The following PTPRT variants were observed in gnomAD, a reference collection of about 807,000 sequenced individuals.
PTPRT encodes the protein receptor-type tyrosine-protein phosphatase T.
In PTPRT, 56 loss-of-function variants were observed where a neutral mutation model predicts 176.8. The ratio of observed to expected loss-of-function variants is 0.32; its 90% CI spans 0.26 to 0.40. The LOEUF (loss-of-function observed/expected upper bound fraction) is 0.40. PTPRT is among the 10% of genes least tolerant of loss of function. The probability of loss-of-function intolerance (pLI) is 1.00; values close to 1 mark genes in which losing one functional copy is unlikely to be tolerated. For missense variants in PTPRT, 1,540 were observed against 1,908.2 expected (o/e 0.81, Z 3.60); for synonymous variants, 783 against 739.0 (o/e 1.06, Z -0.96).
intron 8 of PTPRT, among the ~76,000 whole-genome samples, chr20:42,462,724 T>G (rs1601071028): frequency 6.6e-6 from 1 of 152,206 alleles, no homozygotes; most frequent in Non-Finnish European, 1.5e-5. Flanking sequence ...AGCTCTTGTT[T>G]TGTTTTTTCC....
chr20:42,776,547 G>A (rs753199037), intron 4 of PTPRT, among the ~76,000 whole-genome samples: 1 of 152,078 alleles, frequency 6.6e-6, no homozygotes, highest in African/African-American at 2.4e-5. Context: ...GAGAAACTAC[G>A]GTGGCCAACA....
At chr20:43,137,611 C>A (rs1291328763) in intron 1 of PTPRT, among the ~76,000 whole-genome samples, 2 of 152,194 alleles carry the variant, frequency 1.3e-5, no homozygotes, top group Admixed American at 6.5e-5. Flanking sequence ...GAGGCCGGCT[C>A]CACAGGGGAA....
chr20:42,235,486 C>G (rs1284245782), intron 15 of PTPRT, among the ~76,000 whole-genome samples: 1 of 152,084 alleles, frequency 6.6e-6, no homozygotes, highest in Non-Finnish European at 1.5e-5. Flanking sequence ...GTCTTGAACT[C>G]CTGACCTCAG....
intron 13 of PTPRT, among the ~76,000 whole-genome samples, chr20:42,259,974 G>A (rs2056718998): frequency 6.6e-6 from 1 of 152,222 alleles, no homozygotes; most frequent in East Asian, 1.9e-4. Context: ...TAACCTGAGT[G>A]GTGCTAGGAT....
chr20:42,146,057 C>A (rs2146435933), intron 17 of PTPRT, among the ~76,000 whole-genome samples: 1 of 152,268 alleles, frequency 6.6e-6, no homozygotes, highest in East Asian at 1.9e-4. Flanking sequence ...ATCCATATTG[C>A]CACCAGTTTA....
intron 2 of PTPRT, among the ~76,000 whole-genome samples, chr20:42,805,355 T>A (rs539387281): frequency 6.6e-6 from 1 of 152,234 alleles, no homozygotes; most frequent in East Asian, 1.9e-4. Context: ...GGATAACAGT[T>A]TATAGTGGCC....
At chr20:42,615,118 G>A (rs2074049027) in intron 7 of PTPRT, among the ~76,000 whole-genome samples, 1 of 104,922 alleles carries the variant, frequency 9.5e-6, no homozygotes, top group Non-Finnish European at 1.8e-5. Context: ...CCCAGAGTGT[G>A]ATATTCCCCT....
chr20:42,336,227 T>C lies in PTPRT; in HGVS notation c.1865+14401A>G, dbSNP rs2058037659. ...ATTGTGTAGTTATTTAACAAAAAAC[T>C]GTGGCTTAACTACATTGGAAAGAAG... On this transcript the variant is annotated intron_variant, in intron 11 of 30. Transcript: ENST00000373187. Among the ~76,000 whole-genome samples, 3 of 152,186 alleles carry C rather than the reference T, an allele frequency of 2.0e-5. No individual in the cohort carries two copies. In the South Asian group the frequency reaches 6.2e-4, roughly 31 times the overall value.
chr20:43,099,639 C>T (rs1051930126), intron 1 of PTPRT, among the ~76,000 whole-genome samples: 1 of 152,138 alleles, frequency 6.6e-6, no homozygotes, highest in Non-Finnish European at 1.5e-5. Flanking sequence ...GTCCCAGCCC[C>T]ACATTGCCCA....
intron 9 of PTPRT, among the ~76,000 whole-genome samples, chr20:42,398,560 G>C (rs2058873899): frequency 1.3e-5 from 2 of 152,124 alleles, no homozygotes; most frequent in African/African-American, 4.8e-5. Context: ...CTACAAAATA[G>C]CATGTATATC....
intron 5 of PTPRT, among the ~76,000 whole-genome samples, chr20:42,770,300 G>C (rs1380813279): frequency 1.3e-5 from 2 of 152,100 alleles, no homozygotes; most frequent in Non-Finnish European, 2.9e-5. Flanking sequence ...TTTTTCTATA[G>C]AAATAATTAT....
chr20:43,020,849 G>C (rs569728795), intron 1 of PTPRT, among the ~76,000 whole-genome samples: 4 of 152,304 alleles, frequency 2.6e-5, no homozygotes, highest in African/African-American at 7.2e-5. Flanking sequence ...TTGTCAGAAA[G>C]ATCCTATTAA....
intron 22 of PTPRT, 28 bp from the exon 23 acceptor site, chr20:42,110,515 C>A (rs767471939): frequency 7.0e-6 from 11 of 1,562,524 alleles, no homozygotes; most frequent in Admixed American, 1.8e-5. Context: ...CTCTGTTCTT[C>A]CAGCTGCTGC....
chr20:42,031,986 G>T, the PTPRT span, among the ~76,000 whole-genome samples: 3 of 152,136 alleles, frequency 2.0e-5, no homozygotes, highest in Admixed American at 2.0e-4. Flanking sequence ...GATGAAGAAA[G>T]TCCAAATAAG....
At chr20:42,699,587 C>T (rs1005372727) in intron 6 of PTPRT, among the ~76,000 whole-genome samples, 1 of 152,120 alleles carries the variant, frequency 6.6e-6, no homozygotes, top group Non-Finnish European at 1.5e-5. Flanking sequence ...CATAAGAGAA[C>T]AGATGGGAAA....
intron 7 of PTPRT, among the ~76,000 whole-genome samples, chr20:42,651,692 A>G (rs1415027287): frequency 1.3e-5 from 2 of 152,150 alleles, no homozygotes; most frequent in African/African-American, 4.8e-5. Context: ...TGTGCCACTC[A>G]TTAGCTCTGT....
At chr20:42,807,318 G>A (rs1323733467) in intron 2 of PTPRT, among the ~76,000 whole-genome samples, 1 of 152,168 alleles carries the variant, frequency 6.6e-6, no homozygotes, top group Non-Finnish European at 1.5e-5. Flanking sequence ...CCCAGATTCT[G>A]TCAAAAGTTC....
chr20:42,623,269 T>C (rs1035073785), intron 7 of PTPRT, among the ~76,000 whole-genome samples: 6 of 152,226 alleles, frequency 3.9e-5, no homozygotes, highest in Non-Finnish European at 5.9e-5. Flanking sequence ...ACATGCCCGC[T>C]GGGCTTCAGG....
In PTPRT at chr20:43,087,878, C is replaced by T. The variant is rs2011661805; in HGVS notation, c.88+101768G>A. The stretch of plus-strand genomic sequence containing the variant: ...CAGTGGGGGCACAACACAGAGGACA[C>T]TGAAGGCTGGGAAGGGGAAGAATGG... On this transcript the variant is annotated intron_variant, in intron 1 of 30. Transcript: ENST00000373187. Among the ~76,000 whole-genome samples, 3 of 152,078 alleles carry T rather than the reference C, an allele frequency of 2.0e-5. No individual in the cohort carries two copies. The South Asian group carries it at 6.2e-4, about 32-fold the overall frequency.
Sources: gnomAD v4.1 joint callset for allele counts (sites outside exome capture counted in the v4.1 genomes callset) on GRCh38, gnomAD v4.1.1 for gene constraint, MANE v1.5 for transcripts, NCBI Gene and HGNC (gene_info 2026-07-23, HGNC 2026-07-21) for gene names.